The following SCP2 variants were observed in gnomAD, a reference collection of about 807,000 sequenced individuals.
The protein encoded by SCP2 is sterol carrier protein 2, also known as SCP-2/3-oxoacyl-CoA thiolase.
SCP2 carries 48 observed loss-of-function variants against 71.4 expected under a neutral mutation model. The ratio of observed to expected loss-of-function variants is 0.67; its 90% CI spans 0.53 to 0.86. The LOEUF (loss-of-function observed/expected upper bound fraction) is 0.86. Among genes scored for constraint, SCP2 ranks in the 40% least tolerant of loss-of-function variants. The pLI is 0.00. For missense variants in SCP2, 560 were observed against 655.6 expected, an observed-to-expected ratio of 0.85 and a Z score of 1.59; for synonymous variants, 220 against 218.1, an observed-to-expected ratio of 1.01 and a Z score of -0.08.
intron 12 of SCP2, among the ~76,000 whole-genome samples, chr1:53,025,831 C>G (rs948630459): frequency 6.6e-5 from 10 of 152,222 alleles, no homozygotes; most frequent in African/African-American, 2.4e-4. Flanking sequence ...AATTTCACTT[C>G]CATGTTATCA....
Position 52,993,630 on chromosome 1 carries a change from C to A in SCP2, c.1081+5494C>A, listed in dbSNP as rs1659705990. On this transcript the variant is annotated intron_variant, in intron 11 of 15. Transcript: ENST00000371514. ...GTATCCAAAATATCTAGCCGGGCTG[C>A]TCTGTCATCTATCACACACTGCTTT... 6 of 1,612,254 alleles carry A rather than the reference C, an allele frequency of 3.7e-6. No homozygotes were observed. The South Asian group carries it at 5.5e-5, about 15-fold the overall frequency.
chr1:53,013,922 G>A (rs1225750979), intron 11 of SCP2, among the ~76,000 whole-genome samples: 1 of 121,068 alleles, frequency 8.3e-6, no homozygotes, highest in Non-Finnish European at 1.6e-5. Context: ...TTGAGACGGA[G>A]TCTTGCTCTG....
chr1:52,967,206 G>A (rs578035228), intron 6 of SCP2, among the ~76,000 whole-genome samples: 28 of 152,034 alleles, frequency 1.8e-4, no homozygotes, highest in African/African-American at 6.3e-4. Flanking sequence ...AAAAGAAATA[G>A]GAAGCTATTT....
chr1:52,943,576 T>A, intron 2 of SCP2: 1 of 353,946 alleles, frequency 2.8e-6, no homozygotes, highest in Non-Finnish European at 5.5e-6. Context: ...GCTTGATGTC[T>A]GTTGTTACTC....
At chr1:52,999,325 A>T (rs936692811) in intron 11 of SCP2, among the ~76,000 whole-genome samples, 1 of 152,236 alleles carries the variant, frequency 6.6e-6, no homozygotes, top group African/African-American at 2.4e-5. Flanking sequence ...TTACTTGGAT[A>T]ACAAACTGCA....
chr1:53,005,848 C>G (rs978309000), intron 11 of SCP2, among the ~76,000 whole-genome samples: 1 of 152,080 alleles, frequency 6.6e-6, no homozygotes, highest in Non-Finnish European at 1.5e-5. Flanking sequence ...GGAGGATGTT[C>G]AAACCCATCG....
intron 1 of SCP2, among the ~76,000 whole-genome samples, chr1:52,934,761 T>G (rs1183649573): frequency 2.0e-5 from 3 of 149,446 alleles, no homozygotes; most frequent in Admixed American, 2.0e-4. Flanking sequence ...TACAGGTGCC[T>G]GCCAACACGC....
intron 6 of SCP2, among the ~76,000 whole-genome samples, chr1:52,965,016 C>T (rs202083316): frequency 1.8e-5 from 2 of 110,238 alleles, no homozygotes; most frequent in Non-Finnish European, 4.5e-5. Flanking sequence ...ATCTCAAAAA[C>T]AAACAAACAA....
At chr1:52,947,754 T>C (rs1383225890) in intron 2 of SCP2, among the ~76,000 whole-genome samples, 2 of 152,124 alleles carry the variant, frequency 1.3e-5, no homozygotes, top group African/African-American at 4.8e-5. Context: ...AGATTTAATG[T>C]AGATAGATGT....
At position 53,014,062 on chromosome 1, in the gene SCP2, A is replaced by ATTT. The variant is rs35223104; in HGVS notation, c.1082-814_1082-812dup. On this transcript the variant is annotated intron_variant, in intron 11 of 15. Transcript: ENST00000371514. ...AGGCGCCTGCCACCACGCCCGGCTA[A>ATTT]TTTTTTTTTTTTTTTTGTATTTTTA... Among the ~76,000 whole-genome samples, 179 of 131,422 alleles carry ATTT rather than the reference A, an allele frequency of 1.4e-3. 1 individual carries two copies. The highest frequency in any genetic ancestry group is 4.3e-3 in the African/African-American group (151 of 35,300). The allele number at this position is 131,422 out of a possible 152,430, so 86.2% of individuals were successfully genotyped here.
In SCP2 at chr1:53,014,989, T is replaced by G; in HGVS notation, c.1181T>G (p.Ile394Ser). ...AKVALQHNLGIGGAVVVTLYK... is the reference protein window; with the variant it reads ...AKVALQHNLGSGGAVVVTLYK... ...GTGGCTCTGCAGCATAATTTAGGCA[T>G]TGGAGGAGCTGTGGTTGTAACACTC... Residue 394 changes from isoleucine (I) to serine (S), a missense_variant, in exon 12 of 16, where the codon ATT becomes AGT. Ile to Ser is a moderately radical substitution (Grantham distance 142). This residue lies in a region of SCP2 where 513 missense variants were observed against 573.1 expected (regional missense o/e 0.90). Coordinates refer to ENST00000371514, the MANE Select transcript of SCP2 (RefSeq NM_002979.5). 1 of 1,614,114 alleles carries G rather than the reference T, an allele frequency of 6.2e-7. No individual in the cohort carries two copies. The highest frequency in any genetic ancestry group is 8.5e-7 in the Non-Finnish European group (1 of 1,179,996).
Position 52,984,038 on chromosome 1 carries a change from G to A in SCP2, c.973+3495G>A, listed in dbSNP as rs1347420947. On this transcript the variant is annotated intron_variant, in intron 10 of 15. Transcript: ENST00000371514. ...CTCAGCTCTCTAAATGTATGCCTAC[G>A]TCAGAGTAAGCCTGAGACTTGTACA... Among the ~76,000 whole-genome samples, 4 of 152,286 alleles carry A rather than the reference G, an allele frequency of 2.6e-5. No individual in the cohort carries two copies. In the South Asian group the frequency reaches 8.3e-4, roughly 32 times the overall value.
At chr1:53,035,596 C>CA (rs543781958) in intron 13 of SCP2, among the ~76,000 whole-genome samples, 44 of 149,216 alleles carry the variant, frequency 2.9e-4, no homozygotes, top group East Asian at 7.8e-4. Context: ...AAAATGTGTC[C>CA]AAAAAAAAAT....
chr1:53,033,929 C>A (rs1370034725), intron 13 of SCP2, among the ~76,000 whole-genome samples: 1 of 152,062 alleles, frequency 6.6e-6, no homozygotes, highest in East Asian at 1.9e-4. Flanking sequence ...ATAAACAAAA[C>A]ATGTTACATC....
rs540496908 is a variant in SCP2, at chr1:53,014,995, G to A, written c.1187G>A (p.Gly396Glu). The A allele has an allele frequency of 7.7e-5, 124 of 1,614,040 alleles. No individual in the cohort carries two copies. The highest frequency in any genetic ancestry group is 1.0e-4 in the Non-Finnish European group (120 of 1,180,020). Residue 396 changes from glycine (G) to glutamate (E), a missense_variant, in exon 12 of 16, where the codon GGA becomes GAA. Around this residue, in one of 3 missense-constraint regions of SCP2, gnomAD observed 513 missense variants for 573.1 expected, o/e 0.90. Transcript: ENST00000371514. ...CTGCAGCATAATTTAGGCATTGGAGGAGCTGTGGTTGTAACACTCTACAAG... is the reference window on the plus strand; with the variant it reads ...CTGCAGCATAATTTAGGCATTGGAGAAGCTGTGGTTGTAACACTCTACAAG... Reference protein sequence around the residue: ...VALQHNLGIGGAVVVTLYKMG... With the variant: ...VALQHNLGIGEAVVVTLYKMG...
At chr1:53,024,566 TC>T (rs1661980081) in intron 12 of SCP2, among the ~76,000 whole-genome samples, 1 of 146,418 alleles carries the variant, frequency 6.8e-6, no homozygotes, top group African/African-American at 2.6e-5. Flanking sequence ...TTTCTTTCTT[TC>T]TTTTTTTTTC....
At chr1:52,993,326 A>C in intron 11 of SCP2, 4 of 1,614,102 alleles carry the variant, frequency 2.5e-6, no homozygotes, top group Non-Finnish European at 2.5e-6. Flanking sequence ...ATCTACATTC[A>C]TCCTAATCTT....
In SCP2 at chr1:52,976,818, T is replaced by A. The variant is rs369442015; in HGVS notation, c.674+49T>A. On this transcript the variant is annotated intron_variant, in intron 8 of 15. Transcript: ENST00000371514. The stretch of plus-strand genomic sequence containing the variant: ...TTAATGAGGGAAGTAACTGCTGCCC[T>A]TCCTGCCACCCCCCTGTGGTTAAAC... 8.6e-6 allele frequency: 8 copies of A among 928,422 alleles called. No homozygotes were observed. In the African/African-American group the frequency reaches 1.1e-4, roughly 13 times the overall value. The allele number at this position is 928,422 out of a possible 1,614,324, so 57.5% of individuals were successfully genotyped here.
At chr1:53,022,984 A>G (rs1328989261) in intron 12 of SCP2, among the ~76,000 whole-genome samples, 2 of 152,184 alleles carry the variant, frequency 1.3e-5, no homozygotes, top group Non-Finnish European at 2.9e-5. Flanking sequence ...AAAAAAATAA[A>G]ACCAATTGGA....
Sources: allele counts gnomAD v4.1 joint callset (sites outside exome capture counted in the v4.1 genomes callset), GRCh38; gene constraint gnomAD v4.1.1; regional missense constraint gnomAD v4.1.1; transcripts MANE v1.5; gene names NCBI Gene and HGNC (gene_info 2026-07-23, HGNC 2026-07-21).